The following TRIM23 variants were observed in gnomAD, a reference collection of about 807,000 sequenced individuals.
TRIM23 encodes E3 ubiquitin-protein ligase TRIM23.
A neutral mutation model predicts 71.0 loss-of-function variants in TRIM23; 27 were observed. The observed-to-expected ratio is 0.38, with a 90% CI of 0.28 to 0.52. The LOEUF (loss-of-function observed/expected upper bound fraction) is 0.52. Among genes scored for constraint, TRIM23 ranks in the 20% least tolerant of loss-of-function variants. The pLI, the probability that TRIM23 is intolerant of heterozygous loss-of-function variation, is 0.84. For missense variants in TRIM23, 482 were observed against 692.3 expected, an observed-to-expected ratio of 0.70 and a Z score of 3.41; for synonymous variants, 234 against 238.0, an observed-to-expected ratio of 0.98 and a Z score of 0.16.
intron 10 of TRIM23, among the ~76,000 whole-genome samples, chr5:65,593,750 C>T (rs533563070): frequency 6.6e-6 from 1 of 152,298 alleles, no homozygotes; most frequent in South Asian, 2.1e-4. Context: ...CATTCAGTCA[C>T]CAGTTCTGCC....
At chr5:65,622,739 T>C (rs1365515928) in intron 1 of TRIM23, among the ~76,000 whole-genome samples, 1 of 152,204 alleles carries the variant, frequency 6.6e-6, no homozygotes, top group East Asian at 1.9e-4. Context: ...AGGAATATTT[T>C]ACATGTTAAG....
rs532753253 is a variant in TRIM23, at chr5:65,590,713, A to T, written c.*1056T>A. On this transcript the variant is annotated 3_prime_UTR_variant, in exon 11 of 11. Transcript: ENST00000231524. The stretch of plus-strand genomic sequence containing the variant: ...TTTTTTCTTTAGACATTTTTCCTCT[A>T]GAGTAACTTTTCAAGGCCTTCTCAT... The T allele has an allele frequency of 1.8e-4, 179 of 985,316 alleles. No individual in the cohort carries two copies. The African/African-American group carries it at 2.4e-3, about 13-fold the overall frequency. 61.0% of individuals were successfully genotyped at this position (985,316 alleles called of 1,614,324 possible). A position where few individuals can be genotyped will look rare whatever the true frequency, so the allele number is the denominator to read the frequency against.
chr5:65,601,860 C>T (rs1018703845), intron 7 of TRIM23, among the ~76,000 whole-genome samples: 2 of 152,186 alleles, frequency 1.3e-5, no homozygotes, highest in African/African-American at 4.8e-5. Context: ...ACATTGGCCC[C>T]TTTCAGCCAC....
intron 3 of TRIM23, among the ~76,000 whole-genome samples, chr5:65,612,665 A>G (rs1247609071): frequency 1.3e-5 from 2 of 152,114 alleles, no homozygotes; most frequent in African/African-American, 4.8e-5. Context: ...CTAAACATCC[A>G]AAAATTAGTC....
chr5:65,603,157 G>A (rs894346912), intron 7 of TRIM23, among the ~76,000 whole-genome samples: 1 of 152,006 alleles, frequency 6.6e-6, no homozygotes, highest in African/African-American at 2.4e-5. Flanking sequence ...GATGAGAGGG[G>A]GCAGAGGGGA....
chr5:65,602,482 C>G (rs907066022), intron 7 of TRIM23, among the ~76,000 whole-genome samples: 2 of 152,156 alleles, frequency 1.3e-5, no homozygotes, highest in Non-Finnish European at 2.9e-5. Flanking sequence ...CTCACACTTT[C>G]CTGTCTTCTT....
At chr5:65,620,580 C>T (rs372924632) in intron 1 of TRIM23, among the ~76,000 whole-genome samples, 2 of 91,640 alleles carry the variant, frequency 2.2e-5, no homozygotes, top group East Asian at 4.8e-4. Context: ...GGGGAAAGAG[C>T]AAATTTTTTT....
chr5:65,594,677 A>G (rs1481546493), intron 9 of TRIM23, 32 bp from the exon 10 acceptor site: 1 of 1,524,438 alleles, frequency 6.6e-7, no homozygotes, highest in Admixed American at 2.3e-5. Context: ...AAACAAAAAT[A>G]GTCACTTGCT....
intron 10 of TRIM23, among the ~76,000 whole-genome samples, chr5:65,592,989 T>G (rs1754087212): frequency 1.3e-5 from 2 of 152,222 alleles, no homozygotes; most frequent in Admixed American, 1.3e-4. Context: ...TACACAAAAG[T>G]TGACATACAT....
At chr5:65,623,776 T>C (rs1185712243) in intron 1 of TRIM23, among the ~76,000 whole-genome samples, 1 of 152,200 alleles carries the variant, frequency 6.6e-6, no homozygotes, top group Non-Finnish European at 1.5e-5. Context: ...GTTTCCTCCC[T>C]GTAAAATGGG....
intron 7 of TRIM23, among the ~76,000 whole-genome samples, chr5:65,598,145 T>C (rs1754258040): frequency 6.6e-6 from 1 of 152,182 alleles, no homozygotes; most frequent in African/African-American, 2.4e-5. Context: ...TCCTTCTCAT[T>C]CTACATATTT....
At chr5:65,605,098 A>G (rs1754460872) in intron 6 of TRIM23, 53 bp from the exon 7 acceptor site, 2 of 1,498,812 alleles carry the variant, frequency 1.3e-6, no homozygotes, top group Admixed American at 4.2e-5. Context: ...AAATAAGGAA[A>G]AGAGACTTAT....
intron 5 of TRIM23, 102 bp downstream of exon 5, chr5:65,610,759 G>A: frequency 1.0e-6 from 1 of 974,666 alleles, no homozygotes; most frequent in Non-Finnish European, 1.5e-6. Flanking sequence ...AATGATTGGT[G>A]CAATACTGGC....
intron 6 of TRIM23, among the ~76,000 whole-genome samples, chr5:65,608,596 G>T (rs79719158): frequency 6.6e-6 from 1 of 152,108 alleles, no homozygotes; most frequent in Non-Finnish European, 1.5e-5. Flanking sequence ...AATTCCTAGG[G>T]CAATAGTTAT....
At chr5:65,597,616 AT>A (rs138941474) in intron 7 of TRIM23, among the ~76,000 whole-genome samples, 2 of 151,750 alleles carry the variant, frequency 1.3e-5, no homozygotes, top group Non-Finnish European at 2.9e-5. Context: ...AACAAAACAA[AT>A]TTTTTTTTAA....
Position 65,590,349 on chromosome 5 carries a change from C to T in TRIM23, c.*1420G>A. The T allele has an allele frequency of 1.4e-6, 2 of 1,436,328 alleles. No homozygotes were observed. Among genetic ancestry groups the T allele is most frequent in the Non-Finnish European group, 1.9e-6 (2 of 1,066,976 alleles). The allele number at this position is 1,436,328 out of a possible 1,614,324, so 89.0% of individuals were successfully genotyped here. On this transcript the variant is annotated 3_prime_UTR_variant, in exon 11 of 11. Transcript: ENST00000231524. ...ATTACATTTATTTATTTACATATTGCCCATAATACTGATAGGCTTTTTTTT... is the reference window on the plus strand; with the variant it reads ...ATTACATTTATTTATTTACATATTGTCCATAATACTGATAGGCTTTTTTTT...
intron 6 of TRIM23, among the ~76,000 whole-genome samples, chr5:65,607,838 T>TA (rs1754547647): frequency 6.6e-6 from 1 of 152,210 alleles, no homozygotes; most frequent in Admixed American, 6.5e-5. Flanking sequence ...GTTAAACATG[T>TA]ATTTATTAAG....
chr5:65,599,245 T>C (rs960324527), intron 7 of TRIM23, among the ~76,000 whole-genome samples: 1 of 152,182 alleles, frequency 6.6e-6, no homozygotes, highest in Non-Finnish European at 1.5e-5. Context: ...TGAAAATCAG[T>C]TGCATTTCTA....
intron 1 of TRIM23, among the ~76,000 whole-genome samples, chr5:65,620,022 T>G (rs1201666201): frequency 6.6e-6 from 1 of 151,984 alleles, no homozygotes; most frequent in Non-Finnish European, 1.5e-5. Context: ...GAGGCGGAGG[T>G]TGCAGTGAGC....
Sources: gnomAD v4.1 joint callset for allele counts (sites outside exome capture counted in the v4.1 genomes callset) on GRCh38, gnomAD v4.1.1 for gene constraint, MANE v1.5 for transcripts, NCBI Gene and HGNC (gene_info 2026-07-23, HGNC 2026-07-21) for gene names.